The following RPE65 variants were observed in gnomAD, a reference collection of about 807,000 sequenced individuals.
RPE65 encodes retinoid isomerohydrolase RPE65.
In RPE65, 58 loss-of-function variants were observed where a neutral mutation model predicts 68.5. That is an observed-to-expected ratio of 0.85 (90% CI 0.69 to 1.05). RPE65 has a LOEUF of 1.05. RPE65 is among the 50% of genes least tolerant of loss of function. RPE65 has a pLI of 0.00. For synonymous variants in RPE65, 220 were observed against 222.2 expected (o/e 0.99, Z 0.09); for missense variants, 643 against 629.9 (o/e 1.02, Z -0.22).
At chr1:68,439,756 G>T (rs552078570) in intron 6 of RPE65, 114 bp from the exon 7 acceptor site, 13 of 809,954 alleles carry the variant, frequency 1.6e-5, no homozygotes, top group African/African-American at 3.5e-5. Flanking sequence ...GTTTTAGAGG[G>T]GTTATTTTCA....
Position 68,429,917 on chromosome 1 carries a change from C to T in RPE65, c.1461G>A (p.Leu487=). 1 of 1,613,460 alleles carries T rather than the reference C, an allele frequency of 6.2e-7. No individual in the cohort carries two copies. Among genetic ancestry groups the T allele is most frequent in the Non-Finnish European group, 8.5e-7 (1 of 1,179,670 alleles). Residue 487 remains leucine (L), a synonymous_variant, in exon 14 of 14, where the codon CTG becomes CTA. Transcript: ENST00000262340. Reference sequence around the variant, plus strand: ...CTGCTCCTGGGCTCACCACCACACTCAGAACTACACCTGTTTATCAGAAGT... The same window carrying T: ...CTGCTCCTGGGCTCACCACCACACTTAGAACTACACCTGTTTATCAGAAGT... The part of the protein sequence containing the change: ...DALEEDDGVV[L]SVVVSPGAGQ...
chr1:68,436,944 T>A (rs925974221), intron 10 of RPE65, among the ~76,000 whole-genome samples: 1 of 152,152 alleles, frequency 6.6e-6, no homozygotes, highest in Non-Finnish European at 1.5e-5. Flanking sequence ...CTTTGCATCT[T>A]CATCTCTCAG....
intron 13 of RPE65, among the ~76,000 whole-genome samples, chr1:68,430,823 T>C (rs1645820645): frequency 6.6e-6 from 1 of 152,200 alleles, no homozygotes; most frequent in South Asian, 2.1e-4. Flanking sequence ...AGAGCAGACA[T>C]TGATGCTCCA....
At chr1:68,447,632 C>A (rs537676903) in intron 2 of RPE65, among the ~76,000 whole-genome samples, 2 of 152,104 alleles carry the variant, frequency 1.3e-5, no homozygotes, top group African/African-American at 2.4e-5. Flanking sequence ...GAGGCCTAGG[C>A]GGGCGGATCA....
intron 10 of RPE65, among the ~76,000 whole-genome samples, chr1:68,436,442 TTCTA>T (rs1048948840): frequency 2.9e-5 from 4 of 137,668 alleles, no homozygotes; most frequent in African/African-American, 8.2e-5. Context: ...CTCCTGTTAC[TTCTA>T]TTTATTTATT....
intron 6 of RPE65, 63 bp downstream of exon 6, chr1:68,440,790 A>G: frequency 6.3e-7 from 1 of 1,587,758 alleles, no homozygotes; most frequent in Non-Finnish European, 8.6e-7. Context: ...CTTTCTCACA[A>G]TACAGTAACT....
chr1:68,439,705 A>C, intron 6 of RPE65, 63 bp from the exon 7 acceptor site: 1 of 1,263,736 alleles, frequency 7.9e-7, no homozygotes, highest in Non-Finnish European at 1.2e-6. Context: ...AATACAAAGC[A>C]TTTAGAACAG....
At chr1:68,438,118 C>A in intron 10 of RPE65, 69 bp downstream of exon 10, 1 of 1,588,038 alleles carries the variant, frequency 6.3e-7, no homozygotes, top group Non-Finnish European at 8.6e-7. Context: ...AAACATGAGG[C>A]AGGAGGACAA....
chr1:68,440,796 T>C, intron 6 of RPE65, 57 bp downstream of exon 6: 3 of 1,595,940 alleles, frequency 1.9e-6, no homozygotes, highest in South Asian at 1.1e-5. Flanking sequence ...CACAATACAG[T>C]AACTTTCTCA....
intron 11 of RPE65, 42 bp downstream of exon 11, chr1:68,431,429 A>G: frequency 6.2e-7 from 1 of 1,612,310 alleles, no homozygotes; most frequent in South Asian, 1.1e-5. Flanking sequence ...TGAAAGAAAC[A>G]TTTGTTCACT....
At chr1:68,435,930 T>G (rs1645859717) in intron 10 of RPE65, among the ~76,000 whole-genome samples, 1 of 152,252 alleles carries the variant, frequency 6.6e-6, no homozygotes, top group African/African-American at 2.4e-5. Flanking sequence ...AATAGTATGA[T>G]GCCTGTTTTA....
At chr1:68,430,047 G>A in intron 13 of RPE65, 120 bp from the exon 14 acceptor site, 1 of 1,330,952 alleles carries the variant, frequency 7.5e-7, no homozygotes, top group Admixed American at 2.1e-5. Context: ...CATATGACCT[G>A]ACTTCTTTTT....
At chr1:68,449,346 G>A (rs978898289) in intron 1 of RPE65, among the ~76,000 whole-genome samples, 14 of 152,100 alleles carry the variant, frequency 9.2e-5, no homozygotes, top group African/African-American at 3.4e-4. Flanking sequence ...GGAGATTCAG[G>A]TTCTATATTT....
At chr1:68,434,841 G>A (rs1465513741) in intron 10 of RPE65, among the ~76,000 whole-genome samples, 1 of 152,064 alleles carries the variant, frequency 6.6e-6, no homozygotes, top group Non-Finnish European at 1.5e-5. Flanking sequence ...GTAGCTCACT[G>A]TAACTTTGAA....
At position 68,438,167 on chromosome 1, in the gene RPE65, T is replaced by G. The variant is rs1645873918; in HGVS notation, c.1128+20A>C. The G allele has an allele frequency of 6.2e-7, 1 of 1,613,464 alleles. No individual in the cohort carries two copies. The highest frequency in any genetic ancestry group is 1.7e-5 in the Admixed American group (1 of 59,986). ...TGAAACATTCTGGTTAAATCTGAAA[T>G]CTACAGAGAAGCAGGTTACCTTGTC... On this transcript the variant is annotated intron_variant, in intron 10 of 13. Coordinates refer to ENST00000262340, the MANE Select transcript of RPE65 (RefSeq NM_000329.3).
chr1:68,431,431 T>A (rs763751144), intron 11 of RPE65, 40 bp downstream of exon 11: 2 of 1,611,994 alleles, frequency 1.2e-6, no homozygotes, highest in East Asian at 4.5e-5. Context: ...AAAGAAACAT[T>A]TGTTCACTCC....
intron 13 of RPE65, among the ~76,000 whole-genome samples, chr1:68,430,698 A>G (rs1441598222): frequency 6.6e-6 from 1 of 152,160 alleles, no homozygotes; most frequent in Admixed American, 6.5e-5. Context: ...TGTATCTGCT[A>G]TAATACTTAG....
At position 68,431,559 on chromosome 1, in the gene RPE65, C is replaced by T. The variant is rs62653014; in HGVS notation, c.1155G>A (p.Thr385=). The T allele has an allele frequency of 1.5e-3, 2,476 of 1,613,808 alleles. 12 individuals carry two copies. The African/African-American group carries it at 0.018, about 12-fold the overall frequency. ...DKADTGKNLV[T]LPNTTATAIL... ...TTGCAGTGGCAGTTGTATTGGGGAG[C>T]GTGACTAAATTCTTGCCTGTGTCAG... is the stretch of plus-strand genomic sequence containing the variant. The change falls in exon 11 of 14, where the codon ACG becomes ACA. Residue 385 remains threonine, a synonymous_variant. Coordinates refer to ENST00000262340, the MANE Select transcript of RPE65 (RefSeq NM_000329.3).
intron 10 of RPE65, among the ~76,000 whole-genome samples, chr1:68,434,055 A>G (rs1399516969): frequency 6.6e-6 from 1 of 150,724 alleles, no homozygotes; most frequent in Non-Finnish European, 1.5e-5. Context: ...TGGAAGGAGT[A>G]TAGTCTTAAG....
Sources: allele counts gnomAD v4.1 joint callset (sites outside exome capture counted in the v4.1 genomes callset), GRCh38; gene constraint gnomAD v4.1.1; transcripts MANE v1.5; gene names NCBI Gene and HGNC (gene_info 2026-07-23, HGNC 2026-07-21).